The following AGAP1 variants were observed in gnomAD, a reference collection of about 807,000 sequenced individuals.
AGAP1 encodes the protein ArfGAP with GTPase domain, ankyrin repeat and PH domain 1.
AGAP1 carries 29 observed loss-of-function variants against 105.3 expected under a neutral mutation model. That is an observed-to-expected ratio of 0.28 (90% CI 0.21 to 0.38). The LOEUF (loss-of-function observed/expected upper bound fraction) is 0.38, where lower values mean the gene tolerates loss of function less well. AGAP1 is among the 10% of genes least tolerant of loss of function. The pLI is 1.00. For synonymous variants in AGAP1, 509 were observed against 485.9 expected (o/e 1.05, Z -0.63); for missense variants, 998 against 1,165.1 (o/e 0.86, Z 2.09).
chr2:235,537,842 C>G (rs1319656793), intron 1 of AGAP1, among the ~76,000 whole-genome samples: 2 of 152,120 alleles, frequency 1.3e-5, no homozygotes, highest in African/African-American at 2.4e-5. Context: ...GTCTCTCGCC[C>G]TCCATTTTTC....
At position 235,572,987 on chromosome 2, in the gene AGAP1, T is replaced by C. The variant is rs547511267; in HGVS notation, c.163+78138T>C. Among the ~76,000 whole-genome samples, 8 of 23,856 alleles carry C rather than the reference T, an allele frequency of 3.4e-4. No homozygotes were observed. In the East Asian group the frequency reaches 5.0e-3, roughly 15 times the overall value. 15.7% of individuals were successfully genotyped at this position (23,856 alleles called of 152,430 possible). A position where few individuals can be genotyped will look rare whatever the true frequency, so the allele number is the denominator to read the frequency against. On this transcript the variant is annotated intron_variant, in intron 1 of 17. Coordinates refer to ENST00000304032, the MANE Select transcript of AGAP1 (RefSeq NM_001037131.3). ...ATTGCTCCATCTTTTTTCTTCTTCT[T>C]CTTCTTCTTCTTCTTCTTCTTCTTC...
chr2:235,709,145 ATGG>A (rs1559379560), intron 1 of AGAP1, 31 bp from the exon 2 acceptor site: 1 of 1,611,440 alleles, frequency 6.2e-7, no homozygotes, highest in Admixed American at 1.7e-5. Context: ...TACGTGAGTT[ATGG>A]TGTCTGACTT....
rs907488773 is a variant in AGAP1, at chr2:235,970,283, G to A, written c.1645+1660G>A. 1.3e-5 allele frequency among the ~76,000 whole-genome samples: 2 copies of A among 151,912 alleles called. No individual in the cohort carries two copies. Among genetic ancestry groups the A allele is most frequent in the Admixed American group, 6.6e-5 (1 of 15,260 alleles). ...GGATAATCCCATTAAGTCAGCGATG[G>A]TGGAAAATAATGGTTATGGGTCAGA... On this transcript the variant is annotated intron_variant, in intron 13 of 17. Transcript: ENST00000304032. This position sits in a 1 kb window ranked among gnomAD's most constrained non-coding sequence, Gnocchi z 5.4.
In AGAP1 at chr2:235,957,498, A is replaced by G. The variant is rs1055102848; in HGVS notation, c.1484-10964A>G. On this transcript the variant is annotated intron_variant, in intron 12 of 17. Transcript: ENST00000304032. The surrounding 1 kb of genome is among the most constrained non-coding windows in gnomAD (Gnocchi z 4.6). ...TTGTGTACCTCTGTGTGAGCGGCAAAGGGAAAGGGACAATAATGCCAGTCT... is the reference window on the plus strand; with the variant it reads ...TTGTGTACCTCTGTGTGAGCGGCAAGGGGAAAGGGACAATAATGCCAGTCT... 6.6e-6 allele frequency among the ~76,000 whole-genome samples: 1 copy of G among 152,104 alleles called. No individual in the cohort carries two copies. The highest frequency in any genetic ancestry group is 6.5e-5 in the Admixed American group (1 of 15,274).
chr2:235,776,443 G>A (rs1377467431), intron 6 of AGAP1, among the ~76,000 whole-genome samples: 1 of 152,236 alleles, frequency 6.6e-6, no homozygotes, highest in East Asian at 1.9e-4. Context: ...GCCTGTGACA[G>A]AGCTCAGATA....
At chr2:236,032,798 A>C (rs1032614829) in intron 13 of AGAP1, among the ~76,000 whole-genome samples, 2 of 152,118 alleles carry the variant, frequency 1.3e-5, no homozygotes, top group Non-Finnish European at 2.9e-5. Context: ...GCAAGAAGGT[A>C]TGAGGGGACC....
intron 11 of AGAP1, among the ~76,000 whole-genome samples, chr2:235,917,688 C>G (rs915933114): frequency 6.6e-6 from 1 of 152,090 alleles, no homozygotes; most frequent in African/African-American, 2.4e-5. Flanking sequence ...TTGCTGCTCC[C>G]GGAGATTAAT....
At chr2:235,495,827 A>G (rs77309363) in intron 1 of AGAP1, among the ~76,000 whole-genome samples, 15,336 of 152,322 alleles carry the variant, frequency 0.1, 838 homozygotes, top group Middle Eastern at 0.19. Flanking sequence ...TCTTAGCCAC[A>G]GTTGATCAGC....
At chr2:235,897,200 C>T (rs1029085366) in intron 10 of AGAP1, among the ~76,000 whole-genome samples, 10 of 152,008 alleles carry the variant, frequency 6.6e-5, no homozygotes, top group Non-Finnish European at 1.2e-4. Flanking sequence ...CCACCATGCC[C>T]GGCTAATTTT....
intron 1 of AGAP1, among the ~76,000 whole-genome samples, chr2:235,703,933 T>C (rs897107293): frequency 6.6e-6 from 1 of 152,080 alleles, no homozygotes; most frequent in African/African-American, 2.4e-5. Context: ...CCCCTTGGCC[T>C]CCAAGTACTG....
intron 16 of AGAP1, among the ~76,000 whole-genome samples, chr2:236,052,264 G>A (rs773455587): frequency 4.6e-5 from 7 of 152,194 alleles, no homozygotes; most frequent in Non-Finnish European, 1.0e-4. Context: ...TTGTGCAGAA[G>A]ATTCATTCTG....
At position 236,131,194 on chromosome 2, in the gene AGAP1, C is replaced by T. The variant is rs370463207; in HGVS notation, c.*7072C>T. On this transcript the variant is annotated 3_prime_UTR_variant, in exon 18 of 18. Transcript: ENST00000304032. The surrounding 1 kb of genome is among the most constrained non-coding windows in gnomAD (Gnocchi z 5.9). Reference sequence around the variant, plus strand: ...CCCCTCTCAGCCCCGAGCACCTGAGCGCTGGGGAGGCCCTTATTGAGCTCA... The same window carrying T: ...CCCCTCTCAGCCCCGAGCACCTGAGTGCTGGGGAGGCCCTTATTGAGCTCA... The T allele has an allele frequency of 2.6e-5, 4 of 152,358 alleles. No homozygotes were observed. The highest frequency in any genetic ancestry group is 7.2e-5 in the African/African-American group (3 of 41,556). 9.4% of individuals were successfully genotyped at this position (152,358 alleles called of 1,614,324 possible).
At chr2:235,928,870 G>A (rs554001659) in intron 11 of AGAP1, among the ~76,000 whole-genome samples, 24 of 152,168 alleles carry the variant, frequency 1.6e-4, no homozygotes, top group African/African-American at 5.8e-4. Flanking sequence ...GCTCCTCCAC[G>A]TCTCTTAAGA....
chr2:235,580,139 A>C (rs1029959886), intron 1 of AGAP1, among the ~76,000 whole-genome samples: 1 of 152,094 alleles, frequency 6.6e-6, no homozygotes, highest in African/African-American at 2.4e-5. Flanking sequence ...CATTTTGTTT[A>C]TTCATTCATC....
At chr2:235,776,340 C>T (rs1436812905) in intron 6 of AGAP1, among the ~76,000 whole-genome samples, 1 of 152,174 alleles carries the variant, frequency 6.6e-6, no homozygotes, top group Non-Finnish European at 1.5e-5. Flanking sequence ...CAGGCCTCCT[C>T]CTCAGTCACT....
rs546026326 is a variant in AGAP1 at position 235,569,589 on chromosome 2, C to T, written c.163+74740C>T. The stretch of plus-strand genomic sequence containing the variant: ...TGAGCATGGTCTGTGAGCAAACCTT[C>T]CTGTGGATAGGTTTGGAGGATTCGA... On this transcript the variant is annotated intron_variant, in intron 1 of 17. Coordinates refer to ENST00000304032, the MANE Select transcript of AGAP1 (RefSeq NM_001037131.3). The surrounding 1 kb of genome is among the most constrained non-coding windows in gnomAD (Gnocchi z 5.9). Among the ~76,000 whole-genome samples, 4 of 152,286 alleles carry T rather than the reference C, an allele frequency of 2.6e-5. No individual in the cohort carries two copies. In the East Asian group the frequency reaches 7.7e-4, roughly 29 times the overall value.
intron 6 of AGAP1, among the ~76,000 whole-genome samples, chr2:235,795,523 C>T (rs78827555): frequency 3.0e-4 from 46 of 152,216 alleles, no homozygotes; most frequent in South Asian, 1.9e-3. Flanking sequence ...TTCCCTTATT[C>T]GTATGGGTTA....
chr2:235,730,930 TC>T (rs1951911915), intron 3 of AGAP1, among the ~76,000 whole-genome samples: 1 of 152,146 alleles, frequency 6.6e-6, no homozygotes, highest in Non-Finnish European at 1.5e-5. Context: ...AACCGTTTTC[TC>T]CGAGAGGTGC....
At chr2:235,762,803 G>A (rs1954562539) in intron 6 of AGAP1, among the ~76,000 whole-genome samples, 1 of 152,130 alleles carries the variant, frequency 6.6e-6, no homozygotes, top group Non-Finnish European at 1.5e-5. Context: ...GACCCAGGAG[G>A]CAGAGGTTGT....
Sources: gnomAD v4.1 joint callset for allele counts (sites outside exome capture counted in the v4.1 genomes callset) on GRCh38, gnomAD v4.1.1 for gene constraint, Gnocchi (gnomAD v3.1) non-coding constraint, MANE v1.5 for transcripts, NCBI Gene and HGNC (gene_info 2026-07-23, HGNC 2026-07-21) for gene names.